Variants in ERBB4 observed in about 807,000 individuals in gnomAD.
The protein encoded by ERBB4 is receptor tyrosine-protein kinase erbB-4.
A neutral mutation model predicts 158.0 loss-of-function variants in ERBB4; 42 were observed. That is an observed-to-expected ratio of 0.27 (90% CI 0.21 to 0.34). The LOEUF is 0.34. Among genes scored for constraint, ERBB4 ranks in the 10% least tolerant of loss-of-function variants. The pLI, the probability that ERBB4 is intolerant of heterozygous loss-of-function variation, is 1.00. For missense variants in ERBB4, 1,333 were observed against 1,624.1 expected, an observed-to-expected ratio of 0.82 and a Z score of 3.08; for synonymous variants, 583 against 558.7, an observed-to-expected ratio of 1.04 and a Z score of -0.61.
chr2:212,353,363 AC>A (rs2089334888), intron 1 of ERBB4, among the ~76,000 whole-genome samples: 1 of 150,120 alleles, frequency 6.7e-6, no homozygotes, highest in Non-Finnish European at 1.5e-5. Context: ...GTACAAATGT[AC>A]GTATTATACA....
chr2:212,513,754 G>A (rs1173073032), intron 1 of ERBB4, among the ~76,000 whole-genome samples: 1 of 152,138 alleles, frequency 6.6e-6, no homozygotes, highest in Admixed American at 6.5e-5. Flanking sequence ...GGAGCTTGCA[G>A]TGCGCCAAGA....
chr2:211,389,981 T>C (rs528503493), intron 25 of ERBB4, among the ~76,000 whole-genome samples: 309 of 152,348 alleles, frequency 2.0e-3, no homozygotes, highest in African/African-American at 7.2e-3. Flanking sequence ...TCTAATCACC[T>C]TAAATATAGG....
intron 3 of ERBB4, among the ~76,000 whole-genome samples, chr2:211,911,647 T>C (rs555745739): frequency 6.6e-6 from 1 of 152,220 alleles, no homozygotes; most frequent in South Asian, 2.1e-4. Context: ...CAGAAGCCAA[T>C]GTAAAATCAA....
chr2:211,513,377 CAAAA>C (rs1167274491), intron 20 of ERBB4, among the ~76,000 whole-genome samples: 1 of 55,746 alleles, frequency 1.8e-5, no homozygotes, highest in Non-Finnish European at 4.4e-5. Context: ...AAAAAAAAAA[CAAAA>C]AAAAAACACT....
chr2:212,084,179 C>T (rs1328108261), intron 2 of ERBB4, among the ~76,000 whole-genome samples: 14 of 152,078 alleles, frequency 9.2e-5, no homozygotes, highest in South Asian at 6.2e-4. Flanking sequence ...AGACAAATGA[C>T]TTCTATGAGA....
Position 211,730,699 on chromosome 2 carries a change from C to T in ERBB4, c.623-5505G>A, listed in dbSNP as rs573434119. ...GGTAATGTCTCTACCTACTCATCTA[C>T]ATACCCCATATTGAGTAGCAGAATA... On this transcript the variant is annotated intron_variant, in intron 5 of 27. Transcript: ENST00000342788. 2.0e-5 allele frequency among the ~76,000 whole-genome samples: 3 copies of T among 152,176 alleles called. No individual in the cohort carries two copies. In the East Asian group the frequency reaches 5.8e-4, roughly 29 times the overall value.
chr2:211,775,221 A>AC (rs2075842808), intron 4 of ERBB4, among the ~76,000 whole-genome samples: 3 of 152,098 alleles, frequency 2.0e-5, no homozygotes, highest in Non-Finnish European at 2.9e-5. Flanking sequence ...GAATCTTCCC[A>AC]CTATTTTGCC....
chr2:212,421,340 TA>T (rs1379002792), intron 1 of ERBB4, among the ~76,000 whole-genome samples: 1 of 152,134 alleles, frequency 6.6e-6, no homozygotes, highest in African/African-American at 2.4e-5. Flanking sequence ...AAACCCTTTT[TA>T]GGGTCACATT....
intron 1 of ERBB4, among the ~76,000 whole-genome samples, chr2:212,501,899 C>T (rs1353100096): frequency 1.3e-5 from 2 of 151,894 alleles, no homozygotes; most frequent in African/African-American, 4.8e-5. Flanking sequence ...TTATACATGG[C>T]CAAAAACCTG....
At chr2:211,867,137 C>A (rs574534530) in intron 3 of ERBB4, among the ~76,000 whole-genome samples, 1 of 147,916 alleles carries the variant, frequency 6.8e-6, no homozygotes, top group South Asian at 2.2e-4. Flanking sequence ...TATAAAATGG[C>A]AACTAATTCC....
intron 1 of ERBB4, among the ~76,000 whole-genome samples, chr2:212,270,377 T>C (rs1342743737): frequency 2.0e-5 from 3 of 151,792 alleles, no homozygotes; most frequent in Non-Finnish European, 2.9e-5. Flanking sequence ...TTCTCCAAGT[T>C]CTTCCTATGG....
intron 1 of ERBB4, among the ~76,000 whole-genome samples, chr2:212,217,227 C>G (rs1396846782): frequency 6.6e-6 from 1 of 151,290 alleles, no homozygotes; most frequent in Non-Finnish European, 1.5e-5. Flanking sequence ...CCCTATATCA[C>G]AATTTATCTA....
At chr2:211,913,629 G>A (rs1287895250) in intron 3 of ERBB4, among the ~76,000 whole-genome samples, 2,716 of 126,980 alleles carry the variant, frequency 0.021, 37 homozygotes, top group Non-Finnish European at 0.03. Flanking sequence ...ATGTGTGTGT[G>A]TGTGTGTGTG....
At chr2:212,163,308 G>C (rs961408924) in intron 1 of ERBB4, among the ~76,000 whole-genome samples, 3 of 151,782 alleles carry the variant, frequency 2.0e-5, no homozygotes, top group African/African-American at 7.3e-5. Flanking sequence ...CTTTTCACAG[G>C]ATATGACAAT....
chr2:212,469,866 G>A (rs1269659194), intron 1 of ERBB4, among the ~76,000 whole-genome samples: 1 of 151,914 alleles, frequency 6.6e-6, no homozygotes, highest in Non-Finnish European at 1.5e-5. Context: ...ACCTATTCCT[G>A]TTTCTAAAAT....
chr2:211,828,602 T>C (rs2077154206), intron 3 of ERBB4, among the ~76,000 whole-genome samples: 1 of 152,154 alleles, frequency 6.6e-6, no homozygotes, highest in Non-Finnish European at 1.5e-5. Flanking sequence ...TGTTAAGCAG[T>C]GGTCTCTTGC....
At chr2:211,692,008 T>C (rs1367339854) in intron 12 of ERBB4, among the ~76,000 whole-genome samples, 1 of 152,166 alleles carries the variant, frequency 6.6e-6, no homozygotes, top group Non-Finnish European at 1.5e-5. Flanking sequence ...CTTCAATTTC[T>C]TTGATGGGAT....
chr2:211,719,398 AAC>A (rs2074024954), intron 7 of ERBB4, among the ~76,000 whole-genome samples: 1 of 151,916 alleles, frequency 6.6e-6, no homozygotes, highest in South Asian at 2.1e-4. Flanking sequence ...CTTTTTCCCG[AAC>A]ACAGTCATAG....
intron 2 of ERBB4, among the ~76,000 whole-genome samples, chr2:212,111,414 G>A (rs763254744): frequency 2.6e-5 from 4 of 152,132 alleles, no homozygotes; most frequent in Non-Finnish European, 5.9e-5. Flanking sequence ...TTATTAGTAA[G>A]CTGACAAGTC....
Sources: gnomAD v4.1 joint callset for allele counts (sites outside exome capture counted in the v4.1 genomes callset) on GRCh38, gnomAD v4.1.1 for gene constraint, MANE v1.5 for transcripts, NCBI Gene and HGNC (gene_info 2026-07-23, HGNC 2026-07-21) for gene names.